Variants in SBSN observed in about 807,000 individuals in gnomAD.
The protein encoded by SBSN is HLAR698.
SBSN carries 33 observed loss-of-function variants against 42.8 expected under a neutral mutation model. The ratio of observed to expected loss-of-function variants is 0.77; its 90% confidence interval spans 0.58 to 1.03. The LOEUF (loss-of-function observed/expected upper bound fraction) is 1.03. SBSN is among the 50% of genes least tolerant of loss of function. The pLI is 0.00. For missense variants in SBSN, 646 were observed against 757.3 expected (o/e 0.85, Z 1.72); for synonymous variants, 276 against 307.0 (o/e 0.90, Z 1.06).
In SBSN at chr19:35,524,718, A is replaced by T; in HGVS notation, c.1742T>A (p.Leu581Gln). The T allele has an allele frequency of 2.5e-6, 4 of 1,614,034 alleles. No individual in the cohort carries two copies. The highest frequency in any genetic ancestry group is 2.5e-6 in the Non-Finnish European group (3 of 1,179,962). ...VNTPFINLPA[L>Q]WRSVANIMP The stretch of plus-strand genomic sequence containing the variant: ...ACACCATGGGGCACTCACCCTCCAC[A>T]GGGCGGGAAGGTTGATGAAAGGCGT... Residue 581 changes from leucine (L) to glutamine (Q), a missense_variant, in exon 3 of 4, where the codon CTG becomes CAG. By Grantham distance (113) the Leu-to-Gln change is moderately radical (BLOSUM62 -2). Coordinates refer to ENST00000452271, the MANE Select transcript of SBSN (RefSeq NM_001166034.2).
chr19:35,527,512 G>A lies in SBSN; in HGVS notation c.770C>T (p.Ala257Val), dbSNP rs1177285613. ...HHAAGQAGNE[A>V]GRFGQGVHHG... ...GTGGACCCCCTGGCCAAATCTCCCT[G>A]CCTCATTTCCGGCCTGCCCCGCAGC... Residue 257 changes from alanine to valine, a missense_variant, in exon 1 of 4, where the codon GCA (alanine) becomes GTA (valine). Transcript: ENST00000452271. 6.5e-7 allele frequency: 1 copy of A among 1,530,252 alleles called. No homozygotes were observed. Among genetic ancestry groups the A allele is most frequent in the Non-Finnish European group, 8.7e-7 (1 of 1,148,832 alleles). 94.8% of individuals were successfully genotyped at this position (1,530,252 alleles called of 1,614,324 possible). A position where few individuals can be genotyped will look rare whatever the true frequency, so the allele number is the denominator to read the frequency against.
In SBSN at chr19:35,527,028, C is replaced by T. The variant is rs560136320; in HGVS notation, c.1254G>A (p.Glu418=). 9 of 1,541,560 alleles carry T rather than the reference C, an allele frequency of 5.8e-6. No homozygotes were observed. The highest frequency in any genetic ancestry group is 2.4e-5 in the East Asian group (1 of 40,908). ...GAATGTCGTGGCCAAACTGCCCCGC[C>T]TCCCTTCCAGCCTGACTAACGCCAT... ...LHHGVSQAGR[E]AGQFGHDIHH... Residue 418 remains glutamate (E), a synonymous_variant, in exon 1 of 4, where the codon GAG becomes GAA. Transcript: ENST00000452271.
intron 1 of SBSN, 95 bp downstream of exon 1, chr19:35,526,549 A>C: frequency 2.8e-5 from 32 of 1,126,186 alleles, no homozygotes; most frequent in Middle Eastern, 3.1e-4. Flanking sequence ...AACAAAGGCT[A>C]CGCGGACCCC....
chr19:35,525,352 C>T (rs1384599852), intron 1 of SBSN, among the ~76,000 whole-genome samples: 1 of 152,092 alleles, frequency 6.6e-6, no homozygotes, highest in Non-Finnish European at 1.5e-5. Context: ...CCAGCAGTGC[C>T]CCCAACCCCG....
Position 35,526,525 on chromosome 19 carries a change from A to G in SBSN, c.1638+119T>C, listed in dbSNP as rs116274840. On this transcript the variant is annotated intron_variant, in intron 1 of 3. Coordinates refer to ENST00000452271, the MANE Select transcript of SBSN (RefSeq NM_001166034.2). ...AGGAACCCAGTGATATAGCTGCCCA[A>G]GCTTCTTTCACCAAACAAAGGCTAC... 9.0e-4 allele frequency: 841 copies of G among 936,774 alleles called. 6 individuals carry two copies. The African/African-American group carries it at 0.013, about 14-fold the overall frequency. 58.0% of individuals were successfully genotyped at this position (936,774 alleles called of 1,614,324 possible). A position where few individuals can be genotyped will look rare whatever the true frequency, so the allele number is the denominator to read the frequency against.
chr19:35,527,696 C>T lies in SBSN; in HGVS notation c.586G>A (p.Ala196Thr). The change falls in exon 1 of 4, where the codon GCA becomes ACA. Residue 196 changes from alanine to threonine, a missense_variant. Around this residue, in one of 3 missense-constraint regions of SBSN, gnomAD observed 220 missense variants for 334.5 expected, o/e 0.66. Transcript: ENST00000452271. ...GRFGQGVHHA[A>T]GQAGNEAGRF... Reference sequence around the variant, plus strand: ...CCAGCCTCATTTCCGGCCTGCCCTGCAGCATGGTGGACTCCCTGGCCAAAC... The same window carrying T: ...CCAGCCTCATTTCCGGCCTGCCCTGTAGCATGGTGGACTCCCTGGCCAAAC... The T allele has an allele frequency of 6.6e-7, 1 of 1,516,442 alleles. No individual in the cohort carries two copies. The highest frequency in any genetic ancestry group is 1.2e-5 in the South Asian group (1 of 82,582). 93.9% of individuals were successfully genotyped at this position (1,516,442 alleles called of 1,614,324 possible).
At chr19:35,523,591 G>T in intron 3 of SBSN, 58 bp from the exon 4 acceptor site, 1 of 1,565,916 alleles carries the variant, frequency 6.4e-7, no homozygotes, top group Non-Finnish European at 8.8e-7. Context: ...GACGGGACCC[G>T]AGACCTCAGC....
At chr19:35,523,915 G>A (rs547565828) in intron 3 of SBSN, among the ~76,000 whole-genome samples, 2 of 152,336 alleles carry the variant, frequency 1.3e-5, no homozygotes, top group Non-Finnish European at 2.9e-5. Context: ...AGTGGCTTAC[G>A]CCTGTAATCC....
At chr19:35,524,619 C>A (rs58183088) in intron 3 of SBSN, 92 bp downstream of exon 3, 13 of 1,415,574 alleles carry the variant, frequency 9.2e-6, no homozygotes, top group Non-Finnish European at 1.2e-5. Context: ...TCTGCCCGCC[C>A]GGGGAGCTGT....
In SBSN at chr19:35,528,150, C is replaced by T; in HGVS notation, c.132G>A (p.Glu44=). ...CATCCAGGGCCTTGCCCACCTCTCT[C>T]TCTGCATTGCTCAGCCCTCGGTTGA... ...EGINRGLSNA[E]REVGKALDGI... is the part of the protein sequence containing the mutation. The change falls in exon 1 of 4, where the codon GAG becomes GAA. Residue 44 remains glutamate, a synonymous_variant. Coordinates refer to ENST00000452271, the MANE Select transcript of SBSN (RefSeq NM_001166034.2). The T allele has an allele frequency of 6.2e-7, 1 of 1,614,120 alleles. No homozygotes were observed. The highest frequency in any genetic ancestry group is 2.2e-5 in the East Asian group (1 of 44,860).
rs267605429 is a variant in SBSN, at chr19:35,526,976, C to T, written c.1306G>A (p.Glu436Lys). Residue 436 changes from glutamate to lysine, a missense_variant, in exon 1 of 4, where the codon GAG (glutamate) becomes AAG (lysine). Glu to Lys is a moderately conservative substitution (Grantham distance 56). This residue lies in a region of SBSN where 236 missense variants were observed against 225.6 expected (regional missense o/e 1.05). Transcript: ENST00000452271. Reference protein sequence around the residue: ...IHHTAGQAGKEGDIAVHGVQP... With the variant: ...IHHTAGQAGKKGDIAVHGVQP... ...ACACCATGAACTGCTATGTCTCCCT[C>T]TTTCCCAGCCTGCCCTGCTGTGTGG... 94 of 1,556,010 alleles carry T rather than the reference C, an allele frequency of 6.0e-5. No homozygotes were observed. Among genetic ancestry groups the T allele is most frequent in the Non-Finnish European group, 1.7e-5 (20 of 1,150,472 alleles).
intron 1 of SBSN, 46 bp downstream of exon 1, chr19:35,526,598 T>TTC: frequency 1.8e-5 from 5 of 284,142 alleles, no homozygotes; most frequent in South Asian, 6.9e-5. Flanking sequence ...AACCTTTCCC[T>TTC]CCCCCAACCC....
chr19:35,527,667 T>A lies in SBSN; in HGVS notation c.615A>T (p.Arg205Ser). 1.3e-6 allele frequency: 2 copies of A among 1,481,732 alleles called. No homozygotes were observed. Among genetic ancestry groups the A allele is most frequent in the Non-Finnish European group, 1.8e-6 (2 of 1,123,944 alleles). 91.8% of individuals were successfully genotyped at this position (1,481,732 alleles called of 1,614,324 possible). A position where few individuals can be genotyped will look rare whatever the true frequency, so the allele number is the denominator to read the frequency against. ...GACCATGGTGGGCCCCCTGGCCAAA[T>A]CTCCCAGCCTCATTTCCGGCCTGCC... ...AAGQAGNEAG[R>S]FGQGAHHGLS... The change falls in exon 1 of 4, where the codon AGA becomes AGT. Residue 205 changes from arginine (R) to serine (S), a missense_variant. Physicochemically the swap from Arg to Ser is moderately radical, Grantham distance 110 (BLOSUM62 -1). Transcript: ENST00000452271.
intron 1 of SBSN, 89 bp downstream of exon 1, chr19:35,526,555 A>ACC: frequency 1.5e-5 from 16 of 1,045,672 alleles, no homozygotes; most frequent in South Asian, 9.5e-5. Flanking sequence ...GGCTACGCGG[A>ACC]CCCCCCCGCC....
chr19:35,526,403 C>T (rs1464247492), intron 1 of SBSN, among the ~76,000 whole-genome samples: 1 of 152,096 alleles, frequency 6.6e-6, no homozygotes, highest in Non-Finnish European at 1.5e-5. Flanking sequence ...GGACAGGGTG[C>T]CCGCCACCCT....
intron 1 of SBSN, 138 bp downstream of exon 1, chr19:35,526,506 C>T: frequency 1.3e-6 from 1 of 799,036 alleles, no homozygotes; most frequent in Non-Finnish European, 1.9e-6. Context: ...GGGGAGGAAC[C>T]CAGTGATATA....
rs2071394166 is a variant in SBSN, at chr19:35,527,555, C to A, written c.727G>T (p.Gly243Cys). ...CCCGCAGCATGGTGGGCCCCCTGGCCAAACTTCTCTGCCTCCTTCCCAACC... is the reference window on the plus strand; with the variant it reads ...CCCGCAGCATGGTGGGCCCCCTGGCAAAACTTCTCTGCCTCCTTCCCAACC... Reference protein sequence around the residue: ...GQVGKEAEKFGQGAHHAAGQA... With the variant: ...GQVGKEAEKFCQGAHHAAGQA... The change falls in exon 1 of 4, where the codon GGC (glycine) becomes TGC (cysteine). Residue 243 changes from glycine (G) to cysteine (C), a missense_variant. Transcript: ENST00000452271. 2.0e-6 allele frequency: 3 copies of A among 1,525,296 alleles called. No homozygotes were observed. The highest frequency in any genetic ancestry group is 2.6e-6 in the Non-Finnish European group (3 of 1,145,516). 94.5% of individuals were successfully genotyped at this position (1,525,296 alleles called of 1,614,324 possible).
In SBSN at chr19:35,523,395, A is replaced by G. The variant is rs1288773784; in HGVS notation, c.*115T>C. On this transcript the variant is annotated 3_prime_UTR_variant, in exon 4 of 4. Coordinates refer to ENST00000452271, the MANE Select transcript of SBSN (RefSeq NM_001166034.2). ...TGTATCAAGTTTATTCACAAATCCC[A>G]GTACAACCCCCTTCAGGGATTTCAG... 3 of 1,022,990 alleles carry G rather than the reference A, an allele frequency of 2.9e-6. No individual in the cohort carries two copies. Among genetic ancestry groups the G allele is most frequent in the Middle Eastern group, 2.0e-4 (1 of 5,024 alleles). The allele number at this position is 1,022,990 out of a possible 1,614,324, so 63.4% of individuals were successfully genotyped here. A position where few individuals can be genotyped will look rare whatever the true frequency, so the allele number is the denominator to read the frequency against.
intron 3 of SBSN, among the ~76,000 whole-genome samples, chr19:35,524,434 C>T (rs2071345098): frequency 6.6e-6 from 1 of 152,092 alleles, no homozygotes; most frequent in African/African-American, 2.4e-5. Flanking sequence ...TCCTCCCTCC[C>T]TGGCTCCCAG....
Sources: allele counts gnomAD v4.1 joint callset (sites outside exome capture counted in the v4.1 genomes callset), GRCh38; gene constraint gnomAD v4.1.1; regional missense constraint gnomAD v4.1.1; transcripts MANE v1.5; gene names NCBI Gene and HGNC (gene_info 2026-07-23, HGNC 2026-07-21).